Variants in BICRA observed in about 807,000 individuals in gnomAD.
BICRA encodes the protein BRD4-interacting chromatin-remodeling complex-associated protein.
Under a neutral mutation model 96.9 loss-of-function variants are expected in BICRA, and 31 were observed. The ratio of observed to expected loss-of-function variants is 0.32; its 90% CI spans 0.24 to 0.43. The LOEUF (loss-of-function observed/expected upper bound fraction) is 0.43. BICRA is among the 20% of genes least tolerant of loss of function. The pLI is 1.00. For missense variants in BICRA, 2,283 were observed against 2,190.3 expected (o/e 1.04, Z -0.84); for synonymous variants, 1,350 against 1,071.8 (o/e 1.26, Z -5.07).
chr19:47,668,846 G>T (rs781279959), intron 1 of BICRA, among the ~76,000 whole-genome samples: 4 of 151,412 alleles, frequency 2.6e-5, no homozygotes, highest in South Asian at 2.1e-4. Flanking sequence ...TAGGCCAGGC[G>T]CAGTGGCTCA....
At chr19:47,670,781 T>A (rs1374844057) in intron 2 of BICRA, among the ~76,000 whole-genome samples, 1 of 152,184 alleles carries the variant, frequency 6.6e-6, no homozygotes, top group Non-Finnish European at 1.5e-5. Flanking sequence ...TCCCCTTTTC[T>A]CCAGATTCTT....
intron 4 of BICRA, among the ~76,000 whole-genome samples, chr19:47,674,367 C>T (rs1568566661): frequency 6.7e-6 from 1 of 150,258 alleles, no homozygotes; most frequent in African/African-American, 2.5e-5. Flanking sequence ...CTGAATGTGA[C>T]AGGCAGCTCT....
At chr19:47,652,781 T>C (rs939639871) in intron 1 of BICRA, among the ~76,000 whole-genome samples, 6 of 152,200 alleles carry the variant, frequency 3.9e-5, no homozygotes, top group Non-Finnish European at 8.8e-5. Context: ...ACACCTCCTA[T>C]TCCTGTTCCG....
chr19:47,636,381 A>C (rs540004789), intron 1 of BICRA, among the ~76,000 whole-genome samples: 1 of 151,972 alleles, frequency 6.6e-6, no homozygotes, highest in South Asian at 2.1e-4. Context: ...TAATCTTTAA[A>C]ATTTTTCTGT....
chr19:47,695,487 T>A lies in BICRA; in HGVS notation c.3186+13T>A. On this transcript the variant is annotated intron_variant, in intron 10 of 14. Transcript: ENST00000594866. ...CTCCGGGCTGCAGGTAAGGGGCCCT[T>A]AGAGCAGGGGTCAGGACAGGACCAG... The A allele has an allele frequency of 7.9e-7, 1 of 1,273,240 alleles. No homozygotes were observed. Among genetic ancestry groups the A allele is most frequent in the Non-Finnish European group, 1.1e-6 (1 of 888,128 alleles). The allele number at this position is 1,273,240 out of a possible 1,614,324, so 78.9% of individuals were successfully genotyped here.
At chr19:47,667,635 A>G (rs1042201863) in intron 1 of BICRA, among the ~76,000 whole-genome samples, 4 of 152,104 alleles carry the variant, frequency 2.6e-5, no homozygotes, top group African/African-American at 9.7e-5. Flanking sequence ...GGGTCTTGCG[A>G]CATCTGCTTT....
intron 4 of BICRA, among the ~76,000 whole-genome samples, chr19:47,674,951 T>C (rs1972919468): frequency 2.6e-5 from 4 of 152,310 alleles, no homozygotes; most frequent in East Asian, 3.9e-4. Context: ...CTCCACCTCT[T>C]GAAAGGAGAG....
intron 7 of BICRA, among the ~76,000 whole-genome samples, chr19:47,693,056 G>A (rs1305907355): frequency 1.3e-5 from 2 of 152,222 alleles, no homozygotes; most frequent in Non-Finnish European, 2.9e-5. Context: ...CAGGGCTAGG[G>A]AGAGATCACA....
chr19:47,654,076 G>A (rs1972579808), intron 1 of BICRA, among the ~76,000 whole-genome samples: 1 of 152,154 alleles, frequency 6.6e-6, no homozygotes, highest in Admixed American at 6.5e-5. Context: ...GGGCCACGTG[G>A]CAACTCTATG....
chr19:47,644,780 C>T (rs1178901768), intron 1 of BICRA, among the ~76,000 whole-genome samples: 6 of 152,082 alleles, frequency 3.9e-5, no homozygotes, highest in East Asian at 3.9e-4. Context: ...GGATTCCAGG[C>T]GTGAGCCACC....
chr19:47,694,938 G>T lies in BICRA; in HGVS notation c.2934G>T (p.Gly978=), dbSNP rs772533579. 5 of 1,531,404 alleles carry T rather than the reference G, an allele frequency of 3.3e-6. No individual in the cohort carries two copies. Among genetic ancestry groups the T allele is most frequent in the African/African-American group, 1.4e-5 (1 of 71,798 alleles). The allele number at this position is 1,531,404 out of a possible 1,614,324, so 94.9% of individuals were successfully genotyped here. Residue 978 remains glycine, a synonymous_variant, in exon 9 of 15, where the codon GGG becomes GGT. Transcript: ENST00000594866. The stretch of plus-strand genomic sequence containing the variant: ...TCATCCTCCAGAACAAGGCTGGGGG[G>T]GCCCCTGCCGCCCCGCAGACCTCCA... ...SGIILQNKAG[G]APAAPQTSTS... is the part of the protein sequence containing the mutation.
At chr19:47,635,149 A>G (rs1190359631) in intron 1 of BICRA, among the ~76,000 whole-genome samples, 1 of 152,166 alleles carries the variant, frequency 6.6e-6, no homozygotes, top group African/African-American at 2.4e-5. Flanking sequence ...TTGTGGTACA[A>G]TATACATAAC....
chr19:47,640,045 C>CA (rs1260301481), intron 1 of BICRA, among the ~76,000 whole-genome samples: 1 of 152,196 alleles, frequency 6.6e-6, no homozygotes, highest in African/African-American at 2.4e-5. Flanking sequence ...CCTCTTGGGC[C>CA]AGTCCTGCTT....
intron 5 of BICRA, among the ~76,000 whole-genome samples, chr19:47,677,906 G>A (rs767949235): frequency 2.6e-5 from 4 of 152,128 alleles, no homozygotes; most frequent in South Asian, 2.1e-4. Context: ...CATGTCACAC[G>A]CTTGCCTTTC....
intron 1 of BICRA, among the ~76,000 whole-genome samples, chr19:47,620,224 G>T (rs777388305): frequency 1.7e-4 from 26 of 152,172 alleles, no homozygotes; most frequent in Non-Finnish European, 2.9e-5. Context: ...AGGGAGGGCT[G>T]TGTTTCCTGT....
intron 1 of BICRA, among the ~76,000 whole-genome samples, chr19:47,641,070 A>ATTTTTTTTTTTTT (rs71180861): frequency 1.2e-3 from 124 of 104,548 alleles, no homozygotes; most frequent in Non-Finnish European, 1.9e-3. Context: ...TGCCTGGCTA[A>ATTTTTTTTTTTTT]TTTTTTTTTT....
chr19:47,662,344 G>A (rs928759243), intron 1 of BICRA: 13 of 152,274 alleles, frequency 8.5e-5, no homozygotes, highest in Non-Finnish European at 1.6e-4. Flanking sequence ...TCTTCACCTG[G>A]CAGCTGGGCA....
chr19:47,694,327 T>C lies in BICRA; in HGVS notation c.2496T>C (p.Pro832=). 1.5e-6 allele frequency: 1 copy of C among 676,722 alleles called. No homozygotes were observed. The highest frequency in any genetic ancestry group is 2.2e-6 in the Non-Finnish European group (1 of 460,788). The allele number at this position is 676,722 out of a possible 1,614,324, so 41.9% of individuals were successfully genotyped here. Residue 832 remains proline, a synonymous_variant, in exon 8 of 15, where the codon CCT becomes CCC. Transcript: ENST00000594866. Reference sequence around the variant, plus strand: ...CACCCCAGGCCCCCCCAACTCTGCCTGGCATCTTTGTCATCCAAAACCAGC... The same window carrying C: ...CACCCCAGGCCCCCCCAACTCTGCCCGGCATCTTTGTCATCCAAAACCAGC... The part of the protein sequence containing the change: ...CPPPQAPPTL[P]GIFVIQNQLG...
At chr19:47,627,401 A>G (rs181731841) in intron 1 of BICRA, among the ~76,000 whole-genome samples, 2 of 152,196 alleles carry the variant, frequency 1.3e-5, no homozygotes, top group East Asian at 3.9e-4. Context: ...TAAATAGATG[A>G]CATTCATAGG....
Sources: gnomAD v4.1 joint callset for allele counts (sites outside exome capture counted in the v4.1 genomes callset) on GRCh38, gnomAD v4.1.1 for gene constraint, MANE v1.5 for transcripts, NCBI Gene and HGNC (gene_info 2026-07-23, HGNC 2026-07-21) for gene names.